ABLIM1: variants seen among roughly 807,000 people sequenced by gnomAD.
ABLIM1 encodes the protein actin binding LIM protein 1.
ABLIM1 carries 40 observed loss-of-function variants against 107.0 expected under a neutral mutation model. The ratio of observed to expected loss-of-function variants is 0.37; its 90% confidence interval spans 0.29 to 0.49. The LOEUF is 0.49. Ranked by LOEUF, ABLIM1 falls within the 20% of genes least tolerant of loss-of-function variation. The pLI, the probability that ABLIM1 is intolerant of heterozygous loss-of-function variation, is 0.97. For missense variants in ABLIM1, 857 were observed against 1,008.5 expected, an observed-to-expected ratio of 0.85 and a Z score of 2.04; for synonymous variants, 357 against 357.3, an observed-to-expected ratio of 1.00 and a Z score of 0.01.
At chr10:114,791,346 AC>A in the ABLIM1 span, among the ~76,000 whole-genome samples, 1 of 152,146 alleles carries the variant, frequency 6.6e-6, no homozygotes, top group African/African-American at 2.4e-5. Flanking sequence ...TGGTTTAAAA[AC>A]TTTAAATATG....
At position 114,715,759 on chromosome 10, in the gene ABLIM1, G is replaced by A. The variant is rs59893346; in HGVS notation, c.-213+52302C>T. ...TACATAGAGCGTTTGGCTATTGAAA[G>A]TTAAAAATTGAAGTACATATATCTA... On this transcript the variant is annotated intron_variant, in intron 1 of 15. Coordinates refer to the ABLIM1 transcript ENST00000651092. Among the ~76,000 whole-genome samples, 183 of 152,226 alleles carry A rather than the reference G, an allele frequency of 1.2e-3. 2 individuals carry two copies. In the East Asian group the frequency reaches 0.032, roughly 27 times the overall value.
At chr10:114,524,567 C>T (rs1210399011) in intron 6 of ABLIM1, among the ~76,000 whole-genome samples, 2 of 151,994 alleles carry the variant, frequency 1.3e-5, no homozygotes, top group East Asian at 1.9e-4. Context: ...TAAAAACCCA[C>T]ATTACAAACA....
At chr10:114,557,955 C>A (rs1053249457) in intron 4 of ABLIM1, among the ~76,000 whole-genome samples, 2 of 151,898 alleles carry the variant, frequency 1.3e-5, no homozygotes, top group African/African-American at 2.4e-5. Flanking sequence ...GTTCCTGTTT[C>A]ATTATACATT....
intron 1 of ABLIM1, among the ~76,000 whole-genome samples, chr10:114,737,245 A>G (rs2082199098): frequency 6.6e-6 from 1 of 152,190 alleles, no homozygotes; most frequent in African/African-American, 2.4e-5. Context: ...AATCTCTTGA[A>G]ACCAGGAGGC....
chr10:114,760,592 A>G (rs1168987852), intron 1 of ABLIM1, among the ~76,000 whole-genome samples: 1 of 152,236 alleles, frequency 6.6e-6, no homozygotes, highest in East Asian at 1.9e-4. Flanking sequence ...AAAATAATCA[A>G]TATATTAGAC....
At chr10:114,579,094 G>T (rs1386016822) in intron 2 of ABLIM1, among the ~76,000 whole-genome samples, 1 of 152,030 alleles carries the variant, frequency 6.6e-6, no homozygotes, top group Non-Finnish European at 1.5e-5. Flanking sequence ...GCCCAATGAG[G>T]TGTTTCTTTG....
intron 1 of ABLIM1, among the ~76,000 whole-genome samples, chr10:114,756,110 AAAG>A (rs1566308384): frequency 2.0e-5 from 3 of 147,432 alleles, no homozygotes; most frequent in Admixed American, 1.4e-4. Flanking sequence ...GTGTGTTCTA[AAAG>A]AAGTAAGAAA....
Position 114,748,003 on chromosome 10 carries a change from G to A in ABLIM1, c.-213+20058C>T, listed in dbSNP as rs1320982745. ...TGCAATGAGCCAAGATGGGGCCATC[G>A]CACTCCAGCCTGGGTGATAGAGCGA... On this transcript the variant is annotated intron_variant, in intron 1 of 15. Transcript: ENST00000651092. Among the ~76,000 whole-genome samples the A allele has an allele frequency of 3.9e-5, 6 of 152,314 alleles. No homozygotes were observed. In the East Asian group the frequency reaches 5.8e-4, roughly 15 times the overall value.
chr10:114,510,384 C>T (rs1038906777), intron 6 of ABLIM1, among the ~76,000 whole-genome samples: 6 of 152,030 alleles, frequency 3.9e-5, no homozygotes, highest in East Asian at 1.9e-4. Flanking sequence ...CTTGAATATA[C>T]ATTTATATAT....
At chr10:114,777,997 C>G in the ABLIM1 span, 3 of 152,326 alleles carry the variant, frequency 2.0e-5, no homozygotes, top group Non-Finnish European at 4.4e-5. Flanking sequence ...TACATTCTAC[C>G]TGGAAATACA....
At chr10:114,445,442 A>C (rs368599273) in intron 15 of ABLIM1, 39 bp from the exon 16 acceptor site, 4 of 1,547,200 alleles carry the variant, frequency 2.6e-6, no homozygotes, top group African/African-American at 2.7e-5. Flanking sequence ...CATCAGCCCC[A>C]AGACAAGGGA....
chr10:114,703,141 C>CT (rs760117313), intron 1 of ABLIM1, among the ~76,000 whole-genome samples: 2 of 152,156 alleles, frequency 1.3e-5, no homozygotes, highest in East Asian at 1.9e-4. Context: ...GTAAAATACT[C>CT]TGAGTTTTAC....
chr10:114,474,384 C>CTT lies in ABLIM1; in HGVS notation c.1042-430_1042-429dup, dbSNP rs71007472. Among the ~76,000 whole-genome samples the CTT allele has an allele frequency of 1.3e-4, 17 of 135,936 alleles. 1 individual carries two copies. The highest frequency in any genetic ancestry group is 1.4e-4 in the Non-Finnish European group (9 of 64,972). The allele number at this position is 135,936 out of a possible 152,430, so 89.2% of individuals were successfully genotyped here. The stretch of plus-strand genomic sequence containing the variant: ...CCTGGCAGGCAATGGATAGAGAGAC[C>CTT]TTTTTTTTTTTTTTGAGACGGAGTC... On this transcript the variant is annotated intron_variant, in intron 8 of 22. Transcript: ENST00000533213.
At chr10:114,501,633 A>G (rs1467550711) in intron 6 of ABLIM1, among the ~76,000 whole-genome samples, 2 of 152,218 alleles carry the variant, frequency 1.3e-5, no homozygotes, top group African/African-American at 4.8e-5. Flanking sequence ...AACAACACCA[A>G]GTGCTTTAAA....
chr10:114,601,485 C>T (rs893927161), intron 2 of ABLIM1, among the ~76,000 whole-genome samples: 22 of 151,988 alleles, frequency 1.4e-4, no homozygotes, highest in South Asian at 2.1e-4. Flanking sequence ...AGGCTGGTCT[C>T]GAACTCTTGA....
chr10:114,769,172 G>GAAAAAAAAAAAA (rs35691537), upstream of ABLIM1, among the ~76,000 whole-genome samples: 3 of 46,524 alleles, frequency 6.4e-5, no homozygotes, highest in African/African-American at 9.9e-5. Flanking sequence ...TGTCTTCAAT[G>GAAAAAAAAAAAA]AAAAAAAAAA....
intron 6 of ABLIM1, among the ~76,000 whole-genome samples, chr10:114,497,808 T>A (rs1018266655): frequency 1.3e-5 from 2 of 152,178 alleles, no homozygotes; most frequent in African/African-American, 4.8e-5. Context: ...AATTTGCTTA[T>A]TTAGGTGAGT....
intron 13 of ABLIM1, 60 bp from the exon 14 acceptor site, chr10:114,451,731 C>A: frequency 7.1e-7 from 1 of 1,408,266 alleles, no homozygotes; most frequent in Non-Finnish European, 9.8e-7. Context: ...ATGGGAAAAA[C>A]AGATCAACCA....
chr10:114,612,876 G>T (rs146219432), intron 1 of ABLIM1, among the ~76,000 whole-genome samples: 16 of 152,324 alleles, frequency 1.1e-4, no homozygotes, highest in African/African-American at 3.6e-4. Context: ...TTGAGACAGG[G>T]TTTAGCTTAA....
Sources: allele counts gnomAD v4.1 joint callset (sites outside exome capture counted in the v4.1 genomes callset), GRCh38; gene constraint gnomAD v4.1.1; transcripts MANE v1.5; gene names NCBI Gene and HGNC (gene_info 2026-07-23, HGNC 2026-07-21).